Variants in SLCO1B1 observed in about 807,000 individuals in gnomAD.
The protein encoded by SLCO1B1 is solute carrier organic anion transporter family member 1B1.
A neutral mutation model predicts 70.1 loss-of-function variants in SLCO1B1; 81 were observed. The observed-to-expected ratio is 1.16, with a 90% CI of 0.97 to 1.39. The LOEUF (loss-of-function observed/expected upper bound fraction) is 1.39, where lower values mean the gene tolerates loss of function less well. SLCO1B1 is among the 40% of genes most tolerant of loss of function. The pLI, the probability that SLCO1B1 is intolerant of heterozygous loss-of-function variation, is 0.00. For synonymous variants in SLCO1B1, 283 were observed against 271.5 expected, an observed-to-expected ratio of 1.04 and a Z score of -0.42; for missense variants, 895 against 799.6, an observed-to-expected ratio of 1.12 and a Z score of -1.44.
At chr12:21,173,431 G>A (rs1255877331) in intron 3 of SLCO1B1, among the ~76,000 whole-genome samples, 1 of 151,252 alleles carries the variant, frequency 6.6e-6, no homozygotes, top group East Asian at 1.9e-4. Context: ...AATTTCCATT[G>A]TTTTTCTTTA....
chr12:21,176,832 T>C lies in SLCO1B1; in HGVS notation c.416T>C (p.Leu139Ser). Residue 139 changes from leucine to serine, a missense_variant, in exon 5 of 15, where the codon TTA (leucine) becomes TCA (serine). Coordinates refer to ENST00000256958, the MANE Select transcript of SLCO1B1 (RefSeq NM_006446.5). ...TCATCAGAAAATTCAACATCGACCT[T>C]ATCCACTTGTTTAATTAATCAAATT... ...INSSENSTSTLSTCLINQILS... is the reference protein window; with the variant it reads ...INSSENSTSTSSTCLINQILS... 1 of 1,539,910 alleles carries C rather than the reference T, an allele frequency of 6.5e-7. No individual in the cohort carries two copies. The highest frequency in any genetic ancestry group is 9.0e-7 in the Non-Finnish European group (1 of 1,112,532).
At chr12:21,200,722 T>C in intron 9 of SLCO1B1, 50 bp downstream of exon 9, 1 of 1,479,028 alleles carries the variant, frequency 6.8e-7, no homozygotes, top group South Asian at 1.2e-5. Flanking sequence ...TAATACTAAA[T>C]ACTGTATTCC....
chr12:21,201,887 C>G, intron 9 of SLCO1B1, among the ~76,000 whole-genome samples: 1 of 152,168 alleles, frequency 6.6e-6, no homozygotes, highest in Non-Finnish European at 1.5e-5. Flanking sequence ...GATTGGCATT[C>G]TACTATAAAG....
intron 7 of SLCO1B1, among the ~76,000 whole-genome samples, chr12:21,184,574 T>G (rs1030157886): frequency 6.6e-6 from 1 of 152,142 alleles, no homozygotes; most frequent in Admixed American, 6.6e-5. Flanking sequence ...TTGAGGAAAT[T>G]TCTTATCACT....
At chr12:21,174,385 CT>C (rs4149094) in intron 3 of SLCO1B1, among the ~76,000 whole-genome samples, 191 bp from the exon 4 acceptor site, 9 of 151,022 alleles carry the variant, frequency 6.0e-5, no homozygotes, top group East Asian at 2.0e-4. Context: ...AATTCAAGTG[CT>C]TTTTTTTTGT....
chr12:21,156,937 A>G (rs937498117), intron 2 of SLCO1B1, among the ~76,000 whole-genome samples: 88 of 152,178 alleles, frequency 5.8e-4, no homozygotes, highest in Non-Finnish European at 1.5e-4. Context: ...TTATATTAAT[A>G]GAGAGAAAGA....
rs997710369 is a variant in SLCO1B1 at position 21,178,980 on chromosome 12, G to A, written c.687G>A (p.Leu229=). 4 of 1,611,708 alleles carry A rather than the reference G, an allele frequency of 2.5e-6. No individual in the cohort carries two copies. The highest frequency in any genetic ancestry group is 3.4e-6 in the Non-Finnish European group (4 of 1,178,250). ...TCATTGGCTTTACCCTGGGATCTCT[G>A]TTTTCTAAAATGTACGTGGATATTG... ...GPIIGFTLGS[L]FSKMYVDIGY... The change falls in exon 7 of 15, where the codon CTG becomes CTA. Residue 229 remains leucine (L), a synonymous_variant. Coordinates refer to ENST00000256958, the MANE Select transcript of SLCO1B1 (RefSeq NM_006446.5).
Position 21,217,112 on chromosome 12 carries a change from G to A in SLCO1B1, c.1498-7G>A, listed in dbSNP as rs756064738. The A allele has an allele frequency of 1.6e-5, 26 of 1,610,894 alleles. No individual in the cohort carries two copies. Among genetic ancestry groups the A allele is most frequent in the Admixed American group, 3.3e-5 (2 of 59,956 alleles). ...TCTTATGTCATATTTTATACACAAC[G>A]CTTAAGGTGTTTTACAACTGCAGTT... On this transcript the variant is annotated splice_polypyrimidine_tract_variant and splice_region_variant and intron_variant, in intron 11 of 14. Coordinates refer to ENST00000256958, the MANE Select transcript of SLCO1B1 (RefSeq NM_006446.5).
intron 2 of SLCO1B1, among the ~76,000 whole-genome samples, chr12:21,160,739 G>A (rs1276212186): frequency 6.6e-6 from 1 of 152,058 alleles, no homozygotes. Flanking sequence ...CCTACAGAAT[G>A]GGAGAAAATA....
chr12:21,131,898 AC>A (rs1447616892), intron 1 of SLCO1B1, among the ~76,000 whole-genome samples: 1 of 152,160 alleles, frequency 6.6e-6, no homozygotes, highest in Non-Finnish European at 1.5e-5. Flanking sequence ...CAGGTTTGTT[AC>A]ATATGTATAC....
At position 21,174,684 on chromosome 12, in the gene SLCO1B1, G is replaced by A. The variant is rs536660672; in HGVS notation, c.334G>A (p.Ala112Thr). ...TATGGGAATTGGAGGTGTTTTGACT[G>A]CTTTGCCACATTTCTTCATGGGATA... ...FIMGIGGVLT[A>T]LPHFFMGYYR... The change falls in exon 4 of 15, where the codon GCT becomes ACT. Residue 112 changes from alanine (A) to threonine (T), a missense_variant. Coordinates refer to ENST00000256958, the MANE Select transcript of SLCO1B1 (RefSeq NM_006446.5). 1.5e-5 allele frequency: 24 copies of A among 1,610,800 alleles called. 1 individual carries two copies. The Admixed American group carries it at 3.4e-4, about 22-fold the overall frequency.
intron 2 of SLCO1B1, among the ~76,000 whole-genome samples, chr12:21,151,651 CT>C (rs1280105352): frequency 2.0e-5 from 3 of 152,058 alleles, no homozygotes; most frequent in Non-Finnish European, 4.4e-5. Flanking sequence ...ATTATTTTAT[CT>C]TTCTGTAAAG....
rs184199442 is a variant in SLCO1B1 at position 21,222,543 on chromosome 12, T to C, written c.1747+179T>C. On this transcript the variant is annotated intron_variant, in intron 13 of 14. Transcript: ENST00000256958. ...AAAATTAGTATCCTTTCTATTTCTG[T>C]GATAAATAAAAACAATAAGAGACAG... 8.0e-5 allele frequency among the ~76,000 whole-genome samples: 12 copies of C among 150,794 alleles called. 1 individual carries two copies. The highest frequency in any genetic ancestry group is 6.0e-4 in the Admixed American group (9 of 15,062).
At chr12:21,229,039 C>T (rs984292501) in intron 14 of SLCO1B1, among the ~76,000 whole-genome samples, 3 of 150,466 alleles carry the variant, frequency 2.0e-5, no homozygotes, top group Non-Finnish European at 4.4e-5. Flanking sequence ...CCAATGAATA[C>T]ATAAAAAGTT....
chr12:21,182,262 T>C (rs1055508000), intron 7 of SLCO1B1, among the ~76,000 whole-genome samples: 2 of 151,968 alleles, frequency 1.3e-5, no homozygotes, highest in African/African-American at 4.8e-5. Context: ...ACATCTGGGA[T>C]CCTACCTACA....
chr12:21,159,871 C>A (rs1332080711), intron 2 of SLCO1B1, among the ~76,000 whole-genome samples: 1 of 151,772 alleles, frequency 6.6e-6, no homozygotes, highest in Non-Finnish European at 1.5e-5. Flanking sequence ...ATCCCATTCA[C>A]AATTGACACA....
chr12:21,222,272 ATGTTTCTT>A lies in SLCO1B1; in HGVS notation c.1683-25_1683-18del. On this transcript the variant is annotated intron_variant, in intron 12 of 14. Transcript: ENST00000256958. ...CGTTTTGATATTTTAATGATATTTA[ATGTTTCTT>A]TGCCTTTGTCTTGTTTCAGAATTGT... 2.5e-6 allele frequency: 3 copies of A among 1,182,422 alleles called. No homozygotes were observed. Among genetic ancestry groups the A allele is most frequent in the Non-Finnish European group, 3.5e-6 (3 of 859,276 alleles). 73.2% of individuals were successfully genotyped at this position (1,182,422 alleles called of 1,614,324 possible).
intron 2 of SLCO1B1, among the ~76,000 whole-genome samples, chr12:21,152,252 C>G (rs1445435511): frequency 6.6e-6 from 1 of 151,806 alleles, no homozygotes; most frequent in African/African-American, 2.4e-5. Flanking sequence ...TATCTGTCTG[C>G]TTACATTGCT....
intron 2 of SLCO1B1, among the ~76,000 whole-genome samples, 171 bp from the exon 3 acceptor site, chr12:21,172,479 A>G (rs1288700482): frequency 1.3e-5 from 2 of 152,238 alleles, no homozygotes; most frequent in Admixed American, 6.5e-5. Context: ...TGATAATAAC[A>G]TTTAAATGGC....
Sources: gnomAD v4.1 joint callset for allele counts (sites outside exome capture counted in the v4.1 genomes callset) on GRCh38, gnomAD v4.1.1 for gene constraint, MANE v1.5 for transcripts, NCBI Gene and HGNC (gene_info 2026-07-23, HGNC 2026-07-21) for gene names.